Variants in KANSL3 observed in about 807,000 individuals in gnomAD.
The protein encoded by KANSL3 is KAT8 regulatory NSL complex subunit 3.
A neutral mutation model predicts 89.2 loss-of-function variants in KANSL3; 16 were observed. That is an observed-to-expected ratio of 0.18 (90% CI 0.12 to 0.27). The LOEUF (loss-of-function observed/expected upper bound fraction) is 0.27. KANSL3 is among the 10% of genes least tolerant of loss of function. The pLI is 1.00. For synonymous variants in KANSL3, 385 were observed against 419.7 expected, an observed-to-expected ratio of 0.92 and a Z score of 1.01; for missense variants, 879 against 1,110.6, an observed-to-expected ratio of 0.79 and a Z score of 2.96.
chr2:96,611,198 C>T (rs954189773), intron 9 of KANSL3, 60 bp from the exon 10 acceptor site: 1 of 1,449,672 alleles, frequency 6.9e-7, no homozygotes, highest in Non-Finnish European at 9.7e-7. Context: ...CTCAGCCTAC[C>T]CAGAATCCAG....
rs1172927907 is a variant in KANSL3 at position 96,628,099 on chromosome 2, G to A, written c.386+3213C>T. On this transcript the variant is annotated intron_variant, in intron 3 of 20. Coordinates refer to ENST00000431828, the MANE Select transcript of KANSL3 (RefSeq NM_001115016.3). ...CCACAAGGAGACTGGAGAAAGATAA[G>A]CCAAAGACAAGAATCTGTCAGTGTT... The A allele has an allele frequency of 4.7e-6, 6 of 1,290,190 alleles. No homozygotes were observed. In the Admixed American group the frequency reaches 1.4e-4, roughly 30 times the overall value. The allele number at this position is 1,290,190 out of a possible 1,614,324, so 79.9% of individuals were successfully genotyped here.
chr2:96,610,189 G>T (rs1558695720), intron 11 of KANSL3, among the ~76,000 whole-genome samples: 1 of 152,038 alleles, frequency 6.6e-6, no homozygotes. Context: ...CTTTGGCTAT[G>T]TAAGATGTTT....
At chr2:96,599,034 C>T (rs1407513381) in intron 20 of KANSL3, among the ~76,000 whole-genome samples, 1 of 150,564 alleles carries the variant, frequency 6.6e-6, no homozygotes, top group Non-Finnish European at 1.5e-5. Flanking sequence ...ATTATCTTAG[C>T]AAACTAGAAA....
At chr2:96,588,601 T>C (rs2066256337), downstream of KANSL3, among the ~76,000 whole-genome samples, 1 of 152,108 alleles carries the variant, frequency 6.6e-6, no homozygotes, top group Non-Finnish European at 1.5e-5. Flanking sequence ...TCTTTTCTTT[T>C]TTTTTTGGAG....
intron 18 of KANSL3, among the ~76,000 whole-genome samples, 162 bp from the exon 19 acceptor site, chr2:96,602,500 A>G (rs920150184): frequency 9.2e-5 from 14 of 152,226 alleles, no homozygotes; most frequent in African/African-American, 3.4e-4. Flanking sequence ...CATTCTTATA[A>G]CAACTCTATG....
chr2:96,619,901 C>G, intron 3 of KANSL3, 139 bp from the exon 4 acceptor site: 1 of 670,774 alleles, frequency 1.5e-6, no homozygotes, highest in Non-Finnish European at 2.5e-6. Flanking sequence ...TCTAAGACCA[C>G]TGACCTAAAA....
At chr2:96,602,636 A>T in intron 18 of KANSL3, 117 bp downstream of exon 18, 1 of 791,646 alleles carries the variant, frequency 1.3e-6, no homozygotes, top group Non-Finnish European at 2.0e-6. Context: ...CTATGTAGCT[A>T]GAAGGCTGTT....
Position 96,631,171 on chromosome 2 carries a change from TGA to T in KANSL3, c.386+139_386+140del, listed in dbSNP as rs1323612961. ...GGAGCTCACACACAGCATGGTGAAC[TGA>T]GAGTTATAATGTGAGACTTTGGAGA... On this transcript the variant is annotated intron_variant, in intron 3 of 20. Transcript: ENST00000431828. The T allele has an allele frequency of 4.0e-4, 265 of 658,318 alleles. 1 individual carries two copies. The highest frequency in any genetic ancestry group is 5.0e-5 in the Non-Finnish European group (19 of 380,486). The allele number at this position is 658,318 out of a possible 1,614,324, so 40.8% of individuals were successfully genotyped here. A position where few individuals can be genotyped will look rare whatever the true frequency, so the allele number is the denominator to read the frequency against.
chr2:96,613,667 C>A, intron 5 of KANSL3, 48 bp from the exon 6 acceptor site: 2 of 1,574,892 alleles, frequency 1.3e-6, no homozygotes, highest in Admixed American at 1.7e-5. Flanking sequence ...AGCAGGAGAC[C>A]TTCCACCACC....
intron 3 of KANSL3, among the ~76,000 whole-genome samples, chr2:96,624,250 T>C (rs1411033919): frequency 6.6e-6 from 1 of 152,198 alleles, no homozygotes; most frequent in Non-Finnish European, 1.5e-5. Flanking sequence ...ACAAGAGTAG[T>C]AGCTCTCTTA....
Position 96,595,518 on chromosome 2 carries a change from C to G in KANSL3, c.*93G>C, listed in dbSNP as rs2066453400. 4 of 1,396,396 alleles carry G rather than the reference C, an allele frequency of 2.9e-6. No homozygotes were observed. The highest frequency in any genetic ancestry group is 4.0e-6 in the Non-Finnish European group (4 of 997,736). The allele number at this position is 1,396,396 out of a possible 1,614,324, so 86.5% of individuals were successfully genotyped here. ...ACTGTCTTAAACAGGTCTTCCGACA[C>G]GTGGACAGCTCAGCAGGACCACACA... On this transcript the variant is annotated 3_prime_UTR_variant, in exon 21 of 21. Transcript: ENST00000431828.
intron 20 of KANSL3, among the ~76,000 whole-genome samples, chr2:96,596,261 T>C (rs568041620): frequency 6.6e-6 from 1 of 152,198 alleles, no homozygotes; most frequent in Non-Finnish European, 1.5e-5. Flanking sequence ...TCTGAGAATG[T>C]AGTAAAGGAG....
At chr2:96,604,050 T>C in intron 17 of KANSL3, 200 bp downstream of exon 17, 3 of 501,628 alleles carry the variant, frequency 6.0e-6, no homozygotes, top group Non-Finnish European at 1.0e-5. Context: ...GACCAGGACA[T>C]TTACTCACTG....
chr2:96,583,826 G>A, the KANSL3 span, among the ~76,000 whole-genome samples: 3 of 152,178 alleles, frequency 2.0e-5, no homozygotes, highest in East Asian at 5.8e-4. Context: ...TACTATAATA[G>A]ACTACCACCA....
At chr2:96,632,316 A>C (rs1365594504) in intron 2 of KANSL3, among the ~76,000 whole-genome samples, 1 of 152,072 alleles carries the variant, frequency 6.6e-6, no homozygotes, top group Non-Finnish European at 1.5e-5. Context: ...CAAACACAAA[A>C]ATTAGCCAGG....
intron 20 of KANSL3, among the ~76,000 whole-genome samples, chr2:96,596,185 T>C (rs1234774320): frequency 6.6e-6 from 1 of 152,184 alleles, no homozygotes; most frequent in Non-Finnish European, 1.5e-5. Context: ...GTAGAGAGGG[T>C]GGCCTTTTTT....
intron 14 of KANSL3, among the ~76,000 whole-genome samples, chr2:96,607,242 C>T (rs999872585): frequency 2.0e-5 from 3 of 152,154 alleles, no homozygotes; most frequent in Non-Finnish European, 4.4e-5. Context: ...CCTCATGGGG[C>T]CATGCCAAAA....
chr2:96,591,276 C>G (rs1467336970), downstream of KANSL3, among the ~76,000 whole-genome samples: 1 of 152,154 alleles, frequency 6.6e-6, no homozygotes, highest in Non-Finnish European at 1.5e-5. Context: ...TCTATTTATA[C>G]ATCAACCTAT....
At chr2:96,593,131 T>C (rs746426633), downstream of KANSL3, 16 of 412,974 alleles carry the variant, frequency 3.9e-5, no homozygotes, top group East Asian at 2.8e-4. Flanking sequence ...CCAGAATACA[T>C]ATGAGAAGTC....
Sources: gnomAD v4.1 joint callset for allele counts (sites outside exome capture counted in the v4.1 genomes callset) on GRCh38, gnomAD v4.1.1 for gene constraint, MANE v1.5 for transcripts, NCBI Gene and HGNC (gene_info 2026-07-23, HGNC 2026-07-21) for gene names.